Variants in NECAB1 observed in about 807,000 individuals in gnomAD.
The protein encoded by NECAB1 is N-terminal EF-hand calcium binding protein 1.
Under a neutral mutation model 57.5 loss-of-function variants are expected in NECAB1, and 29 were observed. That is an observed-to-expected ratio of 0.50 (90% CI 0.38 to 0.69). The LOEUF is 0.69. Among genes scored for constraint, NECAB1 ranks in the 30% least tolerant of loss-of-function variants. NECAB1 has a pLI of 0.00. For synonymous variants in NECAB1, 142 were observed against 147.7 expected (o/e 0.96, Z 0.28); for missense variants, 372 against 413.8 (o/e 0.90, Z 0.88).
chr8:90,884,876 A>G (rs1808935708), intron 5 of NECAB1, among the ~76,000 whole-genome samples: 1 of 152,148 alleles, frequency 6.6e-6, no homozygotes, highest in Non-Finnish European at 1.5e-5. Context: ...AGTCAGGCCC[A>G]AGCCTTGGAA....
intron 3 of NECAB1, among the ~76,000 whole-genome samples, chr8:90,860,243 T>TTC (rs1055533928): frequency 2.6e-5 from 4 of 150,952 alleles, no homozygotes; most frequent in Non-Finnish European, 5.9e-5. Flanking sequence ...TTTTTCTTTT[T>TTC]TTTTTTTTTT....
intron 5 of NECAB1, among the ~76,000 whole-genome samples, chr8:90,916,791 TTA>T (rs1352141440): frequency 1.3e-5 from 2 of 152,150 alleles, no homozygotes; most frequent in Non-Finnish European, 2.9e-5. Context: ...GCAAGTACAC[TTA>T]TTCAGTCTGC....
intron 2 of NECAB1, among the ~76,000 whole-genome samples, chr8:90,807,657 T>C (rs1350772829): frequency 6.6e-6 from 1 of 152,178 alleles, no homozygotes; most frequent in African/African-American, 2.4e-5. Context: ...ATGAGGGACA[T>C]TGACATAAGG....
intron 8 of NECAB1, among the ~76,000 whole-genome samples, chr8:90,931,160 C>G (rs189560435): frequency 0.014 from 2,169 of 152,222 alleles, 25 homozygotes; most frequent in Non-Finnish European, 0.018. Context: ...TGGTTTTCAG[C>G]ATGGGGCTCC....
At chr8:90,901,361 G>A (rs751907568) in intron 5 of NECAB1, among the ~76,000 whole-genome samples, 6 of 151,968 alleles carry the variant, frequency 3.9e-5, no homozygotes, top group Non-Finnish European at 7.4e-5. Context: ...TCCTTCCAGC[G>A]GTGCCCTCAA....
At chr8:90,882,036 T>C (rs551858615) in intron 5 of NECAB1, among the ~76,000 whole-genome samples, 1 of 152,102 alleles carries the variant, frequency 6.6e-6, no homozygotes, top group South Asian at 2.1e-4. Flanking sequence ...GAAACTGGAG[T>C]GCTAGGGAGG....
chr8:90,890,356 C>G (rs984121729), intron 5 of NECAB1, among the ~76,000 whole-genome samples: 1 of 152,172 alleles, frequency 6.6e-6, no homozygotes, highest in Non-Finnish European at 1.5e-5. Flanking sequence ...GCCTGATTGT[C>G]CTTTGCCTTC....
At chr8:90,820,733 T>TA (rs901754616) in intron 2 of NECAB1, among the ~76,000 whole-genome samples, 9 of 148,912 alleles carry the variant, frequency 6.0e-5, no homozygotes, top group African/African-American at 9.9e-5. Flanking sequence ...CCTGATTACC[T>TA]AAAAAAAAAG....
intron 6 of NECAB1, among the ~76,000 whole-genome samples, chr8:90,920,455 TAGAG>T (rs1195953965): frequency 2.0e-5 from 3 of 152,218 alleles, no homozygotes; most frequent in East Asian, 3.9e-4. Context: ...GAGGAAAAGA[TAGAG>T]AGAGAAAAAC....
chr8:90,937,875 C>G (rs1233203661), intron 9 of NECAB1, among the ~76,000 whole-genome samples: 2 of 152,104 alleles, frequency 1.3e-5, no homozygotes, highest in African/African-American at 2.4e-5. Context: ...TTCCATTCTG[C>G]CATACATTCC....
chr8:90,885,463 A>G (rs550973556), intron 5 of NECAB1, among the ~76,000 whole-genome samples: 53 of 152,318 alleles, frequency 3.5e-4, no homozygotes, highest in African/African-American at 1.2e-3. Context: ...CTATGACCAA[A>G]AAGAGAATGA....
chr8:90,906,529 CT>C (rs1361987896), intron 5 of NECAB1, among the ~76,000 whole-genome samples: 1 of 152,076 alleles, frequency 6.6e-6, no homozygotes, highest in African/African-American at 2.4e-5. Flanking sequence ...AGAGCAAGGC[CT>C]TCAATGCAAG....
At chr8:90,794,376 A>G (rs1376499573) in intron 1 of NECAB1, among the ~76,000 whole-genome samples, 1 of 152,188 alleles carries the variant, frequency 6.6e-6, no homozygotes, top group Non-Finnish European at 1.5e-5. Flanking sequence ...TTCATATTAT[A>G]ATACATAGGT....
intron 5 of NECAB1, among the ~76,000 whole-genome samples, chr8:90,896,398 A>G (rs1052241629): frequency 2.6e-5 from 4 of 152,082 alleles, no homozygotes; most frequent in Admixed American, 2.0e-4. Context: ...AGGTCAGGAG[A>G]TCGAGACCAT....
chr8:90,950,334 T>C (rs1810900070), intron 11 of NECAB1, among the ~76,000 whole-genome samples: 1 of 152,214 alleles, frequency 6.6e-6, no homozygotes, highest in South Asian at 2.1e-4. Context: ...CAATACCTTC[T>C]AAATGTCTTT....
chr8:90,909,071 G>A (rs1809764302), intron 5 of NECAB1, among the ~76,000 whole-genome samples: 1 of 152,094 alleles, frequency 6.6e-6, no homozygotes, highest in Non-Finnish European at 1.5e-5. Flanking sequence ...ACGTTCTTCT[G>A]AACTCTATCT....
chr8:90,844,760 G>A (rs940668011), intron 3 of NECAB1, among the ~76,000 whole-genome samples: 53 of 149,646 alleles, frequency 3.5e-4, no homozygotes, highest in African/African-American at 1.2e-3. Context: ...GAGATGAAAA[G>A]GCTTGACTTA....
chr8:90,932,750 C>A (rs2130200961), intron 8 of NECAB1, among the ~76,000 whole-genome samples: 1 of 152,288 alleles, frequency 6.6e-6, no homozygotes, highest in African/African-American at 2.4e-5. Flanking sequence ...GTCTGGATTT[C>A]TACAGTTTTC....
At chr8:90,805,522 T>TA (rs61473478) in intron 2 of NECAB1, among the ~76,000 whole-genome samples, 4 of 151,554 alleles carry the variant, frequency 2.6e-5, no homozygotes, top group African/African-American at 9.7e-5. Context: ...TTTTTTTTTT[T>TA]AATCATAGGC....
Sources: gnomAD v4.1 joint callset for allele counts (sites outside exome capture counted in the v4.1 genomes callset) on GRCh38, gnomAD v4.1.1 for gene constraint, MANE v1.5 for transcripts, NCBI Gene and HGNC (gene_info 2026-07-23, HGNC 2026-07-21) for gene names.